LRRC4C: variants seen among roughly 807,000 people sequenced by gnomAD.
LRRC4C encodes leucine rich repeat containing 4C.
Under a neutral mutation model 33.6 loss-of-function variants are expected in LRRC4C, and 5 were observed. That is an observed-to-expected ratio of 0.15 (90% CI 0.08 to 0.31). The LOEUF is 0.31. Among genes scored for constraint, LRRC4C ranks in the 10% least tolerant of loss-of-function variants. LRRC4C has a pLI of 1.00. For synonymous variants in LRRC4C, 329 were observed against 302.0 expected, an observed-to-expected ratio of 1.09 and a Z score of -0.93; for missense variants, 560 against 796.7, an observed-to-expected ratio of 0.70 and a Z score of 3.58.
At chr11:40,909,460 C>A (rs1956568602) in intron 2 of LRRC4C, among the ~76,000 whole-genome samples, 1 of 151,936 alleles carries the variant, frequency 6.6e-6, no homozygotes. Flanking sequence ...CAAAAACAAG[C>A]AATAAATAAA....
At chr11:40,700,762 C>T (rs1565650204) in intron 2 of LRRC4C, among the ~76,000 whole-genome samples, 1 of 152,124 alleles carries the variant, frequency 6.6e-6, no homozygotes, top group Non-Finnish European at 1.5e-5. Context: ...GTATTGGATC[C>T]ATTTTAACAA....
At chr11:40,844,052 A>G (rs190889131) in intron 2 of LRRC4C, among the ~76,000 whole-genome samples, 2 of 152,248 alleles carry the variant, frequency 1.3e-5, no homozygotes, top group Non-Finnish European at 2.9e-5. Flanking sequence ...TTTTGATTCT[A>G]TGAGCAGGTA....
intron 3 of LRRC4C, chr11:40,446,433 T>C (rs1187417848): frequency 6.6e-6 from 1 of 152,198 alleles, no homozygotes; most frequent in Non-Finnish European, 1.5e-5. Context: ...GCTAAAATTA[T>C]ACGTTTCCTT....
intron 1 of LRRC4C, among the ~76,000 whole-genome samples, chr11:40,979,318 C>T (rs116402085): frequency 0.03 from 4,565 of 152,256 alleles, 62 homozygotes; most frequent in Middle Eastern, 0.044. Context: ...TTACAGTACC[C>T]TGCTCTTAGT....
intron 2 of LRRC4C, among the ~76,000 whole-genome samples, chr11:40,870,708 G>A (rs4379830): frequency 0.2 from 30,876 of 151,980 alleles, 4,031 homozygotes; most frequent in Middle Eastern, 0.31. Flanking sequence ...ACCTTCCTAA[G>A]CTGAGGAGGA....
intron 2 of LRRC4C, among the ~76,000 whole-genome samples, chr11:40,911,312 A>T (rs1458720562): frequency 6.6e-6 from 1 of 152,172 alleles, no homozygotes; most frequent in Non-Finnish European, 1.5e-5. Context: ...GGGCAGACTG[A>T]CACCTCACAC....
chr11:40,840,314 C>A (rs1246359665), intron 2 of LRRC4C, among the ~76,000 whole-genome samples: 1 of 152,300 alleles, frequency 6.6e-6, no homozygotes, highest in South Asian at 2.1e-4. Context: ...CAAACACCAG[C>A]CTTCATCCTA....
intron 1 of LRRC4C, among the ~76,000 whole-genome samples, chr11:41,025,192 C>T (rs368365704): frequency 7.9e-5 from 12 of 151,714 alleles, no homozygotes; most frequent in African/African-American, 2.9e-4. Context: ...GGAAGAGATG[C>T]ACGTCTCTCA....
intron 1 of LRRC4C, among the ~76,000 whole-genome samples, chr11:41,356,273 A>C (rs546563307): frequency 1.6e-4 from 25 of 152,284 alleles, no homozygotes; most frequent in African/African-American, 5.8e-4. Context: ...ATGTGATCTC[A>C]AACAATTTGC....
intron 1 of LRRC4C, among the ~76,000 whole-genome samples, chr11:41,388,487 C>A (rs925600470): frequency 2.0e-5 from 3 of 151,734 alleles, no homozygotes; most frequent in African/African-American, 7.3e-5. Context: ...AAACACTGTG[C>A]TAAAAGTATG....
intron 2 of LRRC4C, among the ~76,000 whole-genome samples, chr11:40,867,308 G>A (rs2135907800): frequency 6.6e-6 from 1 of 152,230 alleles, no homozygotes; most frequent in Middle Eastern, 3.4e-3. Flanking sequence ...AAAGATGAGG[G>A]CTTGACTTCA....
At chr11:40,925,263 C>T (rs962286980) in intron 2 of LRRC4C, among the ~76,000 whole-genome samples, 7 of 152,186 alleles carry the variant, frequency 4.6e-5, no homozygotes, top group Non-Finnish European at 8.8e-5. Context: ...CCCTCAAGCC[C>T]TCATGAAGCT....
Position 41,019,629 on chromosome 11 carries a change from T to C in LRRC4C, c.-495-85906A>G, listed in dbSNP as rs181307964. On this transcript the variant is annotated intron_variant, in intron 1 of 6. Transcript: ENST00000528697. ...CCACAATGGTTGAACTAATTTACAT[T>C]CCCACCAACAGTGTAAAAGCGTTCT... Among the ~76,000 whole-genome samples the C allele has an allele frequency of 2.4e-3, 366 of 152,234 alleles. 2 individuals are homozygous for C. The highest frequency in any genetic ancestry group is 8.4e-3 in the African/African-American group (350 of 41,536).
chr11:40,685,168 T>C (rs1944895860), intron 2 of LRRC4C, among the ~76,000 whole-genome samples: 1 of 151,958 alleles, frequency 6.6e-6, no homozygotes, highest in Non-Finnish European at 1.5e-5. Flanking sequence ...AGACAGGATG[T>C]GAATAACTGG....
chr11:40,657,817 T>C (rs566052136), intron 2 of LRRC4C, among the ~76,000 whole-genome samples: 4 of 152,292 alleles, frequency 2.6e-5, no homozygotes, highest in African/African-American at 7.2e-5. Context: ...CAAAATAAAC[T>C]TTCTAAATTA....
At chr11:40,954,676 C>A (rs935611456) in intron 1 of LRRC4C, among the ~76,000 whole-genome samples, 1 of 151,792 alleles carries the variant, frequency 6.6e-6, no homozygotes, top group Non-Finnish European at 1.5e-5. Flanking sequence ...AAATACAGGT[C>A]ATGTTATTGT....
intron 3 of LRRC4C, among the ~76,000 whole-genome samples, chr11:40,578,054 T>C (rs1958278967): frequency 6.7e-6 from 1 of 149,474 alleles, no homozygotes; most frequent in South Asian, 2.1e-4. Flanking sequence ...CAGGATGGTC[T>C]CAATCTCCTG....
At chr11:40,306,941 GTT>G (rs5791371) in intron 4 of LRRC4C, among the ~76,000 whole-genome samples, 238 of 146,990 alleles carry the variant, frequency 1.6e-3, no homozygotes, top group African/African-American at 4.6e-3. Flanking sequence ...AGGTTATCTG[GTT>G]TTTTTTTTTT....
chr11:40,957,794 C>A (rs138814073), intron 1 of LRRC4C, among the ~76,000 whole-genome samples: 6 of 151,618 alleles, frequency 4.0e-5, no homozygotes, highest in Non-Finnish European at 5.9e-5. Context: ...GTTTCCAATG[C>A]AGATTTCTGC....
Sources: gnomAD v4.1 joint callset for allele counts (sites outside exome capture counted in the v4.1 genomes callset) on GRCh38, gnomAD v4.1.1 for gene constraint, MANE v1.5 for transcripts, NCBI Gene and HGNC (gene_info 2026-07-23, HGNC 2026-07-21) for gene names.